CNTNAP2: variants seen among roughly 807,000 people sequenced by gnomAD.
The protein encoded by CNTNAP2 is contactin-associated protein-like 2.
Under a neutral mutation model 155.2 loss-of-function variants are expected in CNTNAP2, and 98 were observed. The observed-to-expected ratio is 0.63, with a 90% CI of 0.54 to 0.75. The LOEUF is 0.75. Ranked by LOEUF, CNTNAP2 falls within the 30% of genes least tolerant of loss-of-function variation. The pLI is 0.00. For synonymous variants in CNTNAP2, 651 were observed against 631.2 expected, an observed-to-expected ratio of 1.03 and a Z score of -0.47; for missense variants, 1,727 against 1,688.1, an observed-to-expected ratio of 1.02 and a Z score of -0.40.
At chr7:147,214,081 T>C (rs1458255715) in intron 8 of CNTNAP2, among the ~76,000 whole-genome samples, 2 of 152,110 alleles carry the variant, frequency 1.3e-5, no homozygotes, top group African/African-American at 2.4e-5. Flanking sequence ...AATAATCCCT[T>C]ACCGGTTCTC....
intron 1 of CNTNAP2, among the ~76,000 whole-genome samples, chr7:146,412,830 T>C (rs1449625348): frequency 1.3e-5 from 2 of 152,204 alleles, no homozygotes; most frequent in African/African-American, 4.8e-5. Context: ...TTGAAAGCTT[T>C]AATATGAAGG....
At chr7:147,779,628 A>C (rs1387603817) in intron 13 of CNTNAP2, among the ~76,000 whole-genome samples, 2 of 152,192 alleles carry the variant, frequency 1.3e-5, no homozygotes, top group African/African-American at 4.8e-5. Context: ...AAATGACTGA[A>C]TCAGGACTCC....
intron 1 of CNTNAP2, among the ~76,000 whole-genome samples, chr7:146,259,997 G>A (rs1799896706): frequency 6.6e-6 from 1 of 152,210 alleles, no homozygotes; most frequent in Non-Finnish European, 1.5e-5. Flanking sequence ...GGGCGATGCT[G>A]TTCTGTGTAA....
At chr7:146,676,426 G>A (rs1170445417) in intron 1 of CNTNAP2, among the ~76,000 whole-genome samples, 1 of 145,210 alleles carries the variant, frequency 6.9e-6, no homozygotes, top group African/African-American at 2.5e-5. Flanking sequence ...TCCAATTTGT[G>A]GCAGCTACAA....
chr7:147,876,265 G>A (rs1348609093), intron 13 of CNTNAP2, among the ~76,000 whole-genome samples: 2 of 152,054 alleles, frequency 1.3e-5, no homozygotes, highest in Non-Finnish European at 2.9e-5. Flanking sequence ...TTACTGACAT[G>A]TATTGGGCTT....
chr7:147,612,281 A>G (rs1468143541), intron 12 of CNTNAP2, among the ~76,000 whole-genome samples: 6 of 152,184 alleles, frequency 3.9e-5, no homozygotes, highest in African/African-American at 1.2e-4. Flanking sequence ...ATGTTTATAT[A>G]AAGTTTACCT....
At chr7:147,208,593 A>C (rs1803070058) in intron 8 of CNTNAP2, among the ~76,000 whole-genome samples, 1 of 152,054 alleles carries the variant, frequency 6.6e-6, no homozygotes, top group Admixed American at 6.6e-5. Context: ...AAGCATTAAA[A>C]AGTAATGAAG....
chr7:147,262,563 G>C (rs1227705931), intron 8 of CNTNAP2, among the ~76,000 whole-genome samples: 1 of 152,188 alleles, frequency 6.6e-6, no homozygotes, highest in South Asian at 2.1e-4. Context: ...TCAGCACTTT[G>C]GGAGGCCGAG....
intron 11 of CNTNAP2, among the ~76,000 whole-genome samples, chr7:147,552,307 CTTTA>C (rs1799866940): frequency 6.6e-6 from 1 of 151,992 alleles, no homozygotes; most frequent in Non-Finnish European, 1.5e-5. Flanking sequence ...ATTTAAAAGG[CTTTA>C]TTTAACAATT....
intron 12 of CNTNAP2, among the ~76,000 whole-genome samples, chr7:147,563,276 G>A (rs545782393): frequency 2.6e-5 from 4 of 152,146 alleles, no homozygotes; most frequent in South Asian, 2.1e-4. Context: ...TCTAACACAC[G>A]GTAAACCTTC....
At chr7:146,900,033 T>C (rs1284512783) in intron 3 of CNTNAP2, among the ~76,000 whole-genome samples, 1 of 152,226 alleles carries the variant, frequency 6.6e-6, no homozygotes, top group East Asian at 1.9e-4. Context: ...TTATATTTTA[T>C]TTGGTATTTA....
intron 1 of CNTNAP2, among the ~76,000 whole-genome samples, chr7:146,665,729 C>G (rs932413614): frequency 7.6e-6 from 1 of 131,706 alleles, no homozygotes; most frequent in Non-Finnish European, 1.6e-5. Flanking sequence ...GGCAGTGAGC[C>G]GAGACTGTGC....
At chr7:147,565,572 G>C (rs1309447299) in intron 12 of CNTNAP2, among the ~76,000 whole-genome samples, 2 of 152,058 alleles carry the variant, frequency 1.3e-5, no homozygotes, top group Admixed American at 6.5e-5. Flanking sequence ...ACTAGGGTAG[G>C]GATGGTTTAA....
chr7:147,820,753 GA>G (rs1332738480), intron 13 of CNTNAP2, among the ~76,000 whole-genome samples: 4 of 151,992 alleles, frequency 2.6e-5, no homozygotes, highest in Admixed American at 6.6e-5. Context: ...AAACATTTGT[GA>G]AAAAAACTTA....
At position 148,068,536 on chromosome 7, in the gene CNTNAP2, T is replaced by G. The variant is rs556696565; in HGVS notation, c.2384-49582T>G. Among the ~76,000 whole-genome samples, 16 of 152,360 alleles carry G rather than the reference T, an allele frequency of 1.1e-4. No individual in the cohort carries two copies. The South Asian group carries it at 2.3e-3, about 22-fold the overall frequency. On this transcript the variant is annotated intron_variant, in intron 15 of 23. Transcript: ENST00000361727. The stretch of plus-strand genomic sequence containing the variant: ...ACAGTGTGAATTTCACTTTGTTGAG[T>G]GTAGATATTTTTATATCCTATATTA...
intron 1 of CNTNAP2, among the ~76,000 whole-genome samples, chr7:146,438,275 C>T (rs1796272103): frequency 7.8e-6 from 1 of 127,998 alleles, no homozygotes; most frequent in Non-Finnish European, 1.6e-5. Flanking sequence ...AGTTATTTAT[C>T]CATAGAAGCT....
intron 1 of CNTNAP2, among the ~76,000 whole-genome samples, chr7:146,303,100 GT>G (rs1800641813): frequency 1.3e-5 from 2 of 151,808 alleles, no homozygotes; most frequent in African/African-American, 4.8e-5. Flanking sequence ...GTGTGTGTGT[GT>G]GTGTGTGCGC....
chr7:148,109,682 T>A (rs548973407), intron 15 of CNTNAP2, among the ~76,000 whole-genome samples: 1 of 152,246 alleles, frequency 6.6e-6, no homozygotes, highest in South Asian at 2.1e-4. Flanking sequence ...TCTATTTCTG[T>A]AACTGGGTAC....
At chr7:146,172,533 CTCTT>C (rs1227703659) in intron 1 of CNTNAP2, among the ~76,000 whole-genome samples, 1 of 151,946 alleles carries the variant, frequency 6.6e-6, no homozygotes, top group Non-Finnish European at 1.5e-5. Flanking sequence ...TTTTTCTCTC[CTCTT>C]TCTTGTTTTC....
Sources: gnomAD v4.1 joint callset for allele counts (sites outside exome capture counted in the v4.1 genomes callset) on GRCh38, gnomAD v4.1.1 for gene constraint, MANE v1.5 for transcripts, NCBI Gene and HGNC (gene_info 2026-07-23, HGNC 2026-07-21) for gene names.